CNGB3: variants seen among roughly 807,000 people sequenced by gnomAD.
CNGB3 encodes the protein cyclic nucleotide-gated channel beta-3.
CNGB3 carries 86 observed loss-of-function variants against 92.8 expected under a neutral mutation model. That is an observed-to-expected ratio of 0.93 (90% confidence interval 0.78 to 1.11). CNGB3 has a LOEUF of 1.11. Among genes scored for constraint, CNGB3 ranks in the 50% least tolerant of loss-of-function variants. CNGB3 has a pLI of 0.00. For synonymous variants in CNGB3, 333 were observed against 332.7 expected (o/e 1.00, Z -0.01); for missense variants, 1,026 against 956.8 (o/e 1.07, Z -0.95).
At chr8:86,592,195 T>C (rs568620778) in intron 15 of CNGB3, among the ~76,000 whole-genome samples, 5 of 152,310 alleles carry the variant, frequency 3.3e-5, no homozygotes, top group African/African-American at 7.2e-5. Context: ...CGCCCTGCTT[T>C]GGCTCACGCA....
Position 86,647,428 on chromosome 8 carries a change from A to C in CNGB3, c.990+373T>G, listed in dbSNP as rs575646623. ...TTAGGGTAATCTAACCTAACCCCTT[A>C]ATTTTACATCCCATACACCATGCAT... On this transcript the variant is annotated intron_variant, in intron 8 of 17. Transcript: ENST00000320005. Among the ~76,000 whole-genome samples the C allele has an allele frequency of 4.0e-5, 6 of 150,930 alleles. No individual in the cohort carries two copies. In the South Asian group the frequency reaches 1.2e-3, roughly 31 times the overall value.
chr8:86,608,999 C>A (rs539975185), intron 14 of CNGB3, among the ~76,000 whole-genome samples: 1 of 152,170 alleles, frequency 6.6e-6, no homozygotes, highest in Admixed American at 6.5e-5. Flanking sequence ...TCGCCGCACA[C>A]AGGGAGAAGC....
intron 10 of CNGB3, among the ~76,000 whole-genome samples, chr8:86,637,763 T>G (rs568445032): frequency 6.6e-6 from 1 of 152,170 alleles, no homozygotes; most frequent in South Asian, 2.1e-4. Flanking sequence ...ATGCTACTGA[T>G]TTTTGTATCA....
chr8:86,613,219 G>A (rs542934332), intron 13 of CNGB3, among the ~76,000 whole-genome samples: 5 of 152,180 alleles, frequency 3.3e-5, no homozygotes, highest in Non-Finnish European at 5.9e-5. Flanking sequence ...AAGTATACAC[G>A]TTTTATTTAT....
chr8:86,651,796 G>A (rs1274320533), intron 7 of CNGB3, among the ~76,000 whole-genome samples: 1 of 151,916 alleles, frequency 6.6e-6, no homozygotes, highest in Non-Finnish European at 1.5e-5. Flanking sequence ...AAAGCATGTT[G>A]GGGTTGAAAT....
chr8:86,619,786 TAC>T (rs1436823283), intron 13 of CNGB3, among the ~76,000 whole-genome samples: 1 of 127,466 alleles, frequency 7.8e-6, no homozygotes, highest in African/African-American at 3.0e-5. Flanking sequence ...CAGGCTGGAA[TAC>T]AGAGGCACAA....
chr8:86,660,505 A>G, intron 6 of CNGB3: 1 of 530,886 alleles, frequency 1.9e-6, no homozygotes, highest in Non-Finnish European at 3.9e-6. Context: ...GCCAGGTGGC[A>G]GCATGTCCAG....
At chr8:86,703,859 T>C (rs1824601710) in intron 3 of CNGB3, 1 of 152,174 alleles carries the variant, frequency 6.6e-6, no homozygotes, top group South Asian at 2.1e-4. Flanking sequence ...TACTTTTATT[T>C]TGTGATATTT....
intron 10 of CNGB3, among the ~76,000 whole-genome samples, chr8:86,636,723 T>C (rs892334483): frequency 1.3e-5 from 2 of 151,894 alleles, no homozygotes; most frequent in African/African-American, 4.8e-5. Context: ...AGCTTTGTAC[T>C]CCTTGACTTA....
intron 14 of CNGB3, among the ~76,000 whole-genome samples, chr8:86,609,705 C>T (rs1822481677): frequency 6.6e-6 from 1 of 152,140 alleles, no homozygotes; most frequent in Admixed American, 6.6e-5. Flanking sequence ...CCTTGAAGTA[C>T]CTCATACTCC....
At chr8:86,742,854 C>T (rs1586047609) in intron 1 of CNGB3, among the ~76,000 whole-genome samples, 1 of 152,178 alleles carries the variant, frequency 6.6e-6, no homozygotes, top group South Asian at 2.1e-4. Context: ...ATACATTTTG[C>T]AGAAAAATAT....
rs1302125467 is a variant in CNGB3 at position 86,576,049 on chromosome 8, CT to C, written c.2184del (p.Glu729LysfsTer100). ...DKQKENEDKQ[K>X]ENEDKGKENE... Reference sequence around the variant, plus strand: ...TTTTCTTTTCCTTTATCTTCATTTTCTTTTTGTTTATCTTCATTTTCTTTTT... The same window carrying C: ...TTTTCTTTTCCTTTATCTTCATTTTCTTTTGTTTATCTTCATTTTCTTTTT... On this transcript the variant is annotated frameshift_variant, in exon 18 of 18. Transcript: ENST00000320005. LOFTEE classifies it low-confidence loss of function (END_TRUNC). 1 of 1,602,418 alleles carries C rather than the reference CT, an allele frequency of 6.2e-7. No homozygotes were observed. Among genetic ancestry groups the C allele is most frequent in the African/African-American group, 1.4e-5 (1 of 73,192 alleles).
intron 15 of CNGB3, among the ~76,000 whole-genome samples, chr8:86,599,538 T>A (rs571589723): frequency 6.6e-6 from 1 of 152,252 alleles, no homozygotes; most frequent in South Asian, 2.1e-4. Flanking sequence ...GGGAGAAATA[T>A]TGATGAGTTC....
chr8:86,679,881 C>T (rs1201155300), intron 3 of CNGB3, among the ~76,000 whole-genome samples: 2 of 152,180 alleles, frequency 1.3e-5, no homozygotes, highest in African/African-American at 4.8e-5. Context: ...TTTCTTTCAT[C>T]TCATTCACAG....
intron 2 of CNGB3, 73 bp downstream of exon 2, chr8:86,739,582 G>A: frequency 6.3e-7 from 1 of 1,585,004 alleles, no homozygotes; most frequent in Non-Finnish European, 8.6e-7. Context: ...TATTTCATCA[G>A]ACAGCACATT....
chr8:86,681,723 G>GA (rs1382447790), intron 3 of CNGB3, among the ~76,000 whole-genome samples: 4 of 151,978 alleles, frequency 2.6e-5, no homozygotes, highest in African/African-American at 4.8e-5. Context: ...TCAAGAGATG[G>GA]AAAAAAACAA....
At chr8:86,593,859 CG>C in intron 15 of CNGB3, 1 of 776,178 alleles carries the variant, frequency 1.3e-6, no homozygotes, top group East Asian at 3.0e-5. Context: ...TCCTGGACCC[CG>C]GGCAGCATAG....
rs1265685142 is a variant in CNGB3, at chr8:86,654,177, A to T, written c.853-115T>A. The T allele has an allele frequency of 8.1e-6, 6 of 744,062 alleles. No individual in the cohort carries two copies. In the East Asian group the frequency reaches 1.6e-4, roughly 19 times the overall value. The allele number at this position is 744,062 out of a possible 1,614,324, so 46.1% of individuals were successfully genotyped here. A position where few individuals can be genotyped will look rare whatever the true frequency, so the allele number is the denominator to read the frequency against. ...GGTTCCTTCCAATCTCAGCCAATAA[A>T]CATCCTCCATATTCCCAGGTATTAA... On this transcript the variant is annotated intron_variant, in intron 6 of 17. Transcript: ENST00000320005.
At chr8:86,691,908 G>A (rs1476095593) in intron 3 of CNGB3, among the ~76,000 whole-genome samples, 1 of 152,056 alleles carries the variant, frequency 6.6e-6, no homozygotes, top group African/African-American at 2.4e-5. Context: ...TATCCAAGAG[G>A]TTTTGATGGG....
Sources: allele counts gnomAD v4.1 joint callset (sites outside exome capture counted in the v4.1 genomes callset), GRCh38; gene constraint gnomAD v4.1.1; transcripts MANE v1.5; gene names NCBI Gene and HGNC (gene_info 2026-07-23, HGNC 2026-07-21).